The following ZDHHC21 variants were observed in gnomAD, a reference collection of about 807,000 sequenced individuals.
ZDHHC21 encodes zDHHC palmitoyltransferase 21.
Under a neutral mutation model 34.6 loss-of-function variants are expected in ZDHHC21, and 15 were observed. The ratio of observed to expected loss-of-function variants is 0.43; its 90% CI spans 0.29 to 0.67. The LOEUF (loss-of-function observed/expected upper bound fraction) is 0.67, where lower values mean the gene tolerates loss of function less well. ZDHHC21 is among the 30% of genes least tolerant of loss of function. The pLI is 0.14. For missense variants in ZDHHC21, 344 were observed against 327.7 expected (o/e 1.05, Z -0.38); for synonymous variants, 142 against 101.8 (o/e 1.40, Z -2.38).
chr9:14,656,410 C>G (rs918764263), intron 7 of ZDHHC21, among the ~76,000 whole-genome samples: 1 of 151,760 alleles, frequency 6.6e-6, no homozygotes, highest in Non-Finnish European at 1.5e-5. Flanking sequence ...CTCCATATAC[C>G]TAACTTGATA....
At chr9:14,596,576 C>G in the ZDHHC21 span, among the ~76,000 whole-genome samples, 4 of 152,242 alleles carry the variant, frequency 2.6e-5, no homozygotes, top group African/African-American at 9.6e-5. Context: ...TCTCCTGGTC[C>G]TCCCTGCAGA....
At chr9:14,625,946 T>C (rs1008783672) in intron 8 of ZDHHC21, among the ~76,000 whole-genome samples, 2 of 151,828 alleles carry the variant, frequency 1.3e-5, no homozygotes, top group Non-Finnish European at 2.9e-5. Context: ...CTAGTAAAAG[T>C]AGTCAAGTAT....
intron 7 of ZDHHC21, among the ~76,000 whole-genome samples, chr9:14,654,312 G>C (rs1401622924): frequency 3.3e-5 from 5 of 151,834 alleles, no homozygotes; most frequent in African/African-American, 1.2e-4. Context: ...GCTATATTAA[G>C]ACCAATGTTC....
chr9:14,689,263 C>T (rs1379897463), intron 2 of ZDHHC21, among the ~76,000 whole-genome samples: 2 of 151,974 alleles, frequency 1.3e-5, no homozygotes, highest in African/African-American at 4.8e-5. Flanking sequence ...AACTGAAGCC[C>T]CTAAACTAAA....
chr9:14,627,926 C>CA (rs761609715), intron 8 of ZDHHC21, among the ~76,000 whole-genome samples: 8 of 151,512 alleles, frequency 5.3e-5, no homozygotes, highest in East Asian at 1.9e-4. Context: ...TCAGAAACAG[C>CA]AAAAAAAAAC....
At position 14,626,014 on chromosome 9, in the gene ZDHHC21, A is replaced by G. The variant is rs929997420; in HGVS notation, c.622-6332T>C. Reference sequence around the variant, plus strand: ...AAGCCAGCAAGGATGATTATATACAATAATGTTTTGTAGAAATAAGTCTCG... The same window carrying G: ...AAGCCAGCAAGGATGATTATATACAGTAATGTTTTGTAGAAATAAGTCTCG... On this transcript the variant is annotated intron_variant, in intron 8 of 9. Coordinates refer to ENST00000380916, the MANE Select transcript of ZDHHC21 (RefSeq NM_178566.6). Among the ~76,000 whole-genome samples the G allele has an allele frequency of 2.0e-4, 31 of 152,144 alleles. 1 individual carries two copies. The highest frequency in any genetic ancestry group is 3.4e-3 in the Middle Eastern group (1 of 294).
At chr9:14,601,309 AAAC>A in the ZDHHC21 span, among the ~76,000 whole-genome samples, 1 of 152,172 alleles carries the variant, frequency 6.6e-6, no homozygotes, top group Non-Finnish European at 1.5e-5. Context: ...TACAAGAAAA[AAAC>A]AACCCCATCA....
chr9:14,604,350 C>T, the ZDHHC21 span, among the ~76,000 whole-genome samples: 1 of 151,798 alleles, frequency 6.6e-6, no homozygotes, highest in Non-Finnish European at 1.5e-5. Context: ...AATGAATGGC[C>T]CAAATCTACA....
chr9:14,663,123 C>T (rs973054614), intron 5 of ZDHHC21, among the ~76,000 whole-genome samples: 1 of 152,090 alleles, frequency 6.6e-6, no homozygotes, highest in Non-Finnish European at 1.5e-5. Flanking sequence ...TAAAAACTGT[C>T]CTAATTAGGT....
At chr9:14,682,272 C>G (rs1837519769) in intron 2 of ZDHHC21, among the ~76,000 whole-genome samples, 1 of 152,182 alleles carries the variant, frequency 6.6e-6, no homozygotes, top group Non-Finnish European at 1.5e-5. Context: ...CAAGACCCAT[C>G]AGTGTGCTGT....
intron 7 of ZDHHC21, among the ~76,000 whole-genome samples, chr9:14,642,845 A>C (rs1258174971): frequency 6.6e-6 from 1 of 152,232 alleles, no homozygotes; most frequent in Non-Finnish European, 1.5e-5. Flanking sequence ...TAATATAATC[A>C]ATAAATGTAT....
chr9:14,664,237 A>G (rs1174079003), intron 5 of ZDHHC21, among the ~76,000 whole-genome samples: 1 of 152,158 alleles, frequency 6.6e-6, no homozygotes. Context: ...CGAGTCAAAG[A>G]AAGGGGTGAC....
downstream of ZDHHC21, among the ~76,000 whole-genome samples, chr9:14,607,277 G>C (rs10961613): frequency 6.6e-6 from 1 of 151,876 alleles, no homozygotes; most frequent in Admixed American, 6.6e-5. Flanking sequence ...GCAAAATCCC[G>C]ACTCTACAAA....
At chr9:14,680,326 C>G (rs1837149082) in intron 2 of ZDHHC21, among the ~76,000 whole-genome samples, 164 bp from the exon 3 acceptor site, 1 of 152,140 alleles carries the variant, frequency 6.6e-6, no homozygotes, top group Non-Finnish European at 1.5e-5. Context: ...CACCCATCCC[C>G]TCAGAATTTG....
intron 1 of ZDHHC21, among the ~76,000 whole-genome samples, chr9:14,692,523 C>T (rs891873254): frequency 4.6e-5 from 7 of 152,032 alleles, no homozygotes; most frequent in Non-Finnish European, 7.4e-5. Context: ...CCTCTCAGCC[C>T]TGGTGATACA....
Position 14,639,914 on chromosome 9 carries a change from T to G in ZDHHC21, c.603A>C (p.Gln201His). The change falls in exon 8 of 10, where the codon CAA becomes CAC. Residue 201 changes from glutamine (Q) to histidine (H), a missense_variant. Transcript: ENST00000380916. ...TACTTACTGTGATGATGCCAATTAG[T>G]TGAGTGTAAAAGAGTCCAGTTATTC... is the stretch of plus-strand genomic sequence containing the variant. ...LVGITGLFYT[Q>H]LIGIITDTTS... is the part of the protein sequence containing the mutation. The G allele has an allele frequency of 6.3e-7, 1 of 1,590,988 alleles. No homozygotes were observed. Among genetic ancestry groups the G allele is most frequent in the Non-Finnish European group, 8.6e-7 (1 of 1,166,510 alleles).
intron 8 of ZDHHC21, among the ~76,000 whole-genome samples, chr9:14,626,720 G>T (rs533180047): frequency 1.5e-3 from 234 of 151,846 alleles, no homozygotes; most frequent in African/African-American, 5.3e-3. Flanking sequence ...TGGCAAGGGG[G>T]AACCTAGTTT....
In ZDHHC21 at chr9:14,674,205, G is replaced by A; in HGVS notation, c.136C>T (p.Pro46Ser). 1 of 1,530,830 alleles carries A rather than the reference G, an allele frequency of 6.5e-7. No homozygotes were observed. Among genetic ancestry groups the A allele is most frequent in the East Asian group, 2.5e-5 (1 of 40,558 alleles). 94.8% of individuals were successfully genotyped at this position (1,530,830 alleles called of 1,614,324 possible). A position where few individuals can be genotyped will look rare whatever the true frequency, so the allele number is the denominator to read the frequency against. ...AACTTACTTATTATTAATATGCCTG[G>A]AATATGTCCTTCTTCATAGTGAGGA... ...LFPHYEEGHIPGILIIIFYGI... is the reference protein window; with the variant it reads ...LFPHYEEGHISGILIIIFYGI... Residue 46 changes from proline (P) to serine (S), a missense_variant, in exon 4 of 10, where the codon CCA becomes TCA. Physicochemically the swap from Pro to Ser is moderately conservative, Grantham distance 74. Coordinates refer to ENST00000380916, the MANE Select transcript of ZDHHC21 (RefSeq NM_178566.6).
chr9:14,679,122 G>A lies in ZDHHC21; in HGVS notation c.-46+911C>T, dbSNP rs575130892. Among the ~76,000 whole-genome samples, 33 of 152,078 alleles carry A rather than the reference G, an allele frequency of 2.2e-4. 1 individual carries two copies. Among genetic ancestry groups the A allele is most frequent in the Non-Finnish European group, 4.1e-4 (28 of 67,984 alleles). ...CAGCATATGTACACTTAAGATTGTT[G>A]CATGTCATGGTACGTAAATTTACCT... On this transcript the variant is annotated intron_variant, in intron 3 of 9. Coordinates refer to ENST00000380916, the MANE Select transcript of ZDHHC21 (RefSeq NM_178566.6).
Sources: allele counts gnomAD v4.1 joint callset (sites outside exome capture counted in the v4.1 genomes callset), GRCh38; gene constraint gnomAD v4.1.1; transcripts MANE v1.5; gene names NCBI Gene and HGNC (gene_info 2026-07-23, HGNC 2026-07-21).